The following PDZRN4 variants were observed in gnomAD, a reference collection of about 807,000 sequenced individuals.
PDZRN4 encodes the protein PDZ domain containing ring finger 4.
In PDZRN4, 70 loss-of-function variants were observed where a neutral mutation model predicts 99.0. That is an observed-to-expected ratio of 0.71 (90% CI 0.58 to 0.86). PDZRN4 has a LOEUF of 0.86. PDZRN4 is among the 40% of genes least tolerant of loss of function. The pLI is 0.00. For missense variants in PDZRN4, 1,474 were observed against 1,331.2 expected (o/e 1.11, Z -1.67); for synonymous variants, 551 against 501.6 (o/e 1.10, Z -1.32).
Position 41,460,173 on chromosome 12 carries a change from G to A in PDZRN4, c.844-46283G>A, listed in dbSNP as rs539498369. ...CTTTTTATGTATATATTGGTTGCAC[G>A]TTTAACAAGAGTTTATTCCTATATT... On this transcript the variant is annotated intron_variant, in intron 3 of 9. Coordinates refer to ENST00000402685, the MANE Select transcript of PDZRN4 (RefSeq NM_001164595.2). 7.1e-5 allele frequency: 66 copies of A among 924,600 alleles called. No homozygotes were observed. The East Asian group carries it at 1.5e-3, about 21-fold the overall frequency. The allele number at this position is 924,600 out of a possible 1,614,324, so 57.3% of individuals were successfully genotyped here. A position where few individuals can be genotyped will look rare whatever the true frequency, so the allele number is the denominator to read the frequency against.
chr12:41,491,389 G>A (rs1937883340), intron 3 of PDZRN4, among the ~76,000 whole-genome samples: 1 of 152,068 alleles, frequency 6.6e-6, no homozygotes, highest in Non-Finnish European at 1.5e-5. Context: ...TGGTGTGGTG[G>A]TGCACCCCTG....
At chr12:41,317,945 A>G (rs1951649868) in intron 3 of PDZRN4, among the ~76,000 whole-genome samples, 1 of 152,146 alleles carries the variant, frequency 6.6e-6, no homozygotes, top group Non-Finnish European at 1.5e-5. Context: ...AGGTTTTGTA[A>G]GTTGAAAAAA....
chr12:41,434,261 G>A (rs1309996605), intron 3 of PDZRN4, among the ~76,000 whole-genome samples: 1 of 151,960 alleles, frequency 6.6e-6, no homozygotes, highest in Non-Finnish European at 1.5e-5. Flanking sequence ...CATCCCCATG[G>A]TTTAGCTTAA....
rs189992682 is a variant in PDZRN4 at position 41,368,640 on chromosome 12, T to C, written c.844-137816T>C. Among the ~76,000 whole-genome samples, 1,487 of 152,196 alleles carry C rather than the reference T, an allele frequency of 9.8e-3. 75 individuals carry two copies. Among genetic ancestry groups the C allele is most frequent in the Admixed American group, 0.089 (1,359 of 15,268 alleles). On this transcript the variant is annotated intron_variant, in intron 3 of 9. Transcript: ENST00000402685. The stretch of plus-strand genomic sequence containing the variant: ...CCCCGTTTTCTCACCTCTAAGTTTT[T>C]TGGGGTGGGGGCTTTTGGCATCTTT...
intron 3 of PDZRN4, among the ~76,000 whole-genome samples, chr12:41,402,217 TACACACACACTGAGTATAC>T (rs1952297657): frequency 1.6e-4 from 1 of 6,190 alleles, no homozygotes; most frequent in African/African-American, 2.7e-4. Context: ...TACATATATA[TACACACACACTGAGTATAC>T]ATATATATAT....
rs541832275 is a variant in PDZRN4, at chr12:41,256,874, T to C, written c.843+62686T>C. On this transcript the variant is annotated intron_variant, in intron 3 of 9. Coordinates refer to ENST00000402685, the MANE Select transcript of PDZRN4 (RefSeq NM_001164595.2). ...TAAGTCATAAACCATCTCTAATTAG[T>C]CAACTGGCTAGCCATCTCTCCATAT... is the stretch of plus-strand genomic sequence containing the variant. Among the ~76,000 whole-genome samples, 5 of 152,322 alleles carry C rather than the reference T, an allele frequency of 3.3e-5. No individual in the cohort carries two copies. The East Asian group carries it at 9.6e-4, about 29-fold the overall frequency.
intron 5 of PDZRN4, among the ~76,000 whole-genome samples, chr12:41,533,315 C>T (rs1938695274): frequency 6.6e-6 from 1 of 151,940 alleles, no homozygotes; most frequent in African/African-American, 2.4e-5. Flanking sequence ...GCTGGGATTA[C>T]AGGCGAGTGC....
At chr12:41,461,735 T>C (rs1370786499) in intron 3 of PDZRN4, among the ~76,000 whole-genome samples, 1 of 152,206 alleles carries the variant, frequency 6.6e-6, no homozygotes, top group African/African-American at 2.4e-5. Context: ...ATCTACTTTA[T>C]GATGTCCTCT....
chr12:41,471,391 A>T (rs145957182), intron 3 of PDZRN4, among the ~76,000 whole-genome samples: 1 of 152,272 alleles, frequency 6.6e-6, no homozygotes, highest in Admixed American at 6.5e-5. Context: ...CTGTTGCCAC[A>T]TTTGAAAATA....
At chr12:41,458,560 C>T (rs892331835) in intron 3 of PDZRN4, among the ~76,000 whole-genome samples, 1 of 152,142 alleles carries the variant, frequency 6.6e-6, no homozygotes, top group Non-Finnish European at 1.5e-5. Context: ...TTACTATTAA[C>T]TAAGTAGGGC....
intron 3 of PDZRN4, among the ~76,000 whole-genome samples, chr12:41,332,981 G>C (rs1534280): frequency 0.53 from 81,162 of 151,792 alleles, 21,667 homozygotes; most frequent in Middle Eastern, 0.66. Context: ...TGACACTATC[G>C]ACAGTTTAGT....
intron 3 of PDZRN4, among the ~76,000 whole-genome samples, chr12:41,237,476 G>T (rs1951075033): frequency 6.6e-6 from 1 of 152,010 alleles, no homozygotes; most frequent in African/African-American, 2.4e-5. Flanking sequence ...AGTATGTGTT[G>T]CTTTGTAATG....
In PDZRN4 at chr12:41,188,765, T is replaced by G. The variant is rs1389604280; in HGVS notation, c.310T>G (p.Cys104Gly). The change falls in exon 1 of 10, where the codon TGC (cysteine) becomes GGC (glycine). Residue 104 changes from cysteine (C) to glycine (G), a missense_variant. Transcript: ENST00000402685. ...LHELEAHVEH[C>G]DFGPARRLRS... ...CGAGCTGGAGGCGCACGTCGAGCAC[T>G]GCGACTTCGGCCCTGCCCGCCGGCT... The G allele has an allele frequency of 6.9e-7, 1 of 1,444,660 alleles. No individual in the cohort carries two copies. The highest frequency in any genetic ancestry group is 9.0e-7 in the Non-Finnish European group (1 of 1,106,280). 89.5% of individuals were successfully genotyped at this position (1,444,660 alleles called of 1,614,324 possible). A position where few individuals can be genotyped will look rare whatever the true frequency, so the allele number is the denominator to read the frequency against.
chr12:41,311,959 G>A (rs905422511), intron 3 of PDZRN4, among the ~76,000 whole-genome samples: 4 of 151,996 alleles, frequency 2.6e-5, no homozygotes, highest in East Asian at 1.9e-4. Context: ...TCAAAACAAC[G>A]TTCATCGCTG....
intron 5 of PDZRN4, among the ~76,000 whole-genome samples, chr12:41,528,630 T>C (rs1049903148): frequency 1.7e-4 from 26 of 152,182 alleles, no homozygotes; most frequent in African/African-American, 6.0e-4. Context: ...CATCCACTGC[T>C]TTTTAGCTCC....
intron 3 of PDZRN4, among the ~76,000 whole-genome samples, chr12:41,453,578 C>A (rs1372649325): frequency 3.3e-5 from 5 of 152,166 alleles, no homozygotes. Context: ...TATTGCCAGA[C>A]CATATTGTTG....
chr12:41,198,917 A>G (rs925508646), intron 3 of PDZRN4, among the ~76,000 whole-genome samples: 2 of 152,116 alleles, frequency 1.3e-5, no homozygotes, highest in African/African-American at 4.8e-5. Context: ...TATTTCTGTA[A>G]TGTTATACCT....
intron 3 of PDZRN4, among the ~76,000 whole-genome samples, chr12:41,370,087 C>G (rs1475943442): frequency 6.6e-6 from 1 of 151,880 alleles, no homozygotes; most frequent in East Asian, 1.9e-4. Flanking sequence ...TAATTTCCCC[C>G]TTGTTTAAAA....
At chr12:41,340,203 A>G (rs1465101979) in intron 3 of PDZRN4, among the ~76,000 whole-genome samples, 1 of 152,088 alleles carries the variant, frequency 6.6e-6, no homozygotes, top group African/African-American at 2.4e-5. Flanking sequence ...TGAATGGATA[A>G]AGAAAATGCA....
Sources: allele counts gnomAD v4.1 joint callset (sites outside exome capture counted in the v4.1 genomes callset), GRCh38; gene constraint gnomAD v4.1.1; transcripts MANE v1.5; gene names NCBI Gene and HGNC (gene_info 2026-07-23, HGNC 2026-07-21).